Variants in ZFAND3 observed in about 807,000 individuals in gnomAD.
ZFAND3 encodes AN1-type zinc finger protein 3.
ZFAND3 carries 10 observed loss-of-function variants against 29.6 expected under a neutral mutation model. The ratio of observed to expected loss-of-function variants is 0.34; its 90% CI spans 0.21 to 0.57. The LOEUF is 0.57. ZFAND3 is among the 20% of genes least tolerant of loss of function. The pLI, the probability that ZFAND3 is intolerant of heterozygous loss-of-function variation, is 0.86. For synonymous variants in ZFAND3, 128 were observed against 112.6 expected (o/e 1.14, Z -0.87); for missense variants, 230 against 304.5 (o/e 0.76, Z 1.82).
chr6:38,042,015 A>AG (rs1334833443), intron 2 of ZFAND3, among the ~76,000 whole-genome samples: 1 of 145,566 alleles, frequency 6.9e-6, no homozygotes, highest in Admixed American at 6.9e-5. Flanking sequence ...TTTGGGGGGG[A>AG]GGGGGAGAGA....
chr6:37,830,697 T>C (rs989523603), intron 1 of ZFAND3, among the ~76,000 whole-genome samples: 10 of 152,210 alleles, frequency 6.6e-5, no homozygotes, highest in African/African-American at 1.9e-4. Context: ...TTTATTGATA[T>C]TGCCACAACC....
chr6:37,908,656 C>T (rs1390862490), intron 1 of ZFAND3, among the ~76,000 whole-genome samples: 1 of 150,852 alleles, frequency 6.6e-6, no homozygotes, highest in Non-Finnish European at 1.5e-5. Context: ...GCTCCCAGCA[C>T]CTTCCCCACT....
At chr6:37,876,666 G>C (rs1239023251) in intron 1 of ZFAND3, among the ~76,000 whole-genome samples, 1 of 152,166 alleles carries the variant, frequency 6.6e-6, no homozygotes, top group Non-Finnish European at 1.5e-5. Context: ...AATTTGTAAA[G>C]AATGGCTGAC....
At chr6:37,947,290 A>C (rs932455765) in intron 2 of ZFAND3, among the ~76,000 whole-genome samples, 2 of 152,224 alleles carry the variant, frequency 1.3e-5, no homozygotes, top group Admixed American at 1.3e-4. Flanking sequence ...ACTGAGATTT[A>C]AAAACAATTT....
At chr6:38,042,313 C>CTTTTTTTTTTTT (rs35136153) in intron 2 of ZFAND3, among the ~76,000 whole-genome samples, 1 of 91,918 alleles carries the variant, frequency 1.1e-5, no homozygotes, top group Non-Finnish European at 2.4e-5. Context: ...CTTGAGCTTG[C>CTTTTTTTTTTTT]TTTTTTTTTT....
At chr6:37,994,992 T>C (rs977336713) in intron 2 of ZFAND3, among the ~76,000 whole-genome samples, 2 of 152,222 alleles carry the variant, frequency 1.3e-5, no homozygotes, top group African/African-American at 2.4e-5. Flanking sequence ...TCTGACTGCC[T>C]TTGTTCCAGG....
At chr6:37,840,379 A>G (rs760822324) in intron 1 of ZFAND3, among the ~76,000 whole-genome samples, 16 of 152,324 alleles carry the variant, frequency 1.1e-4, no homozygotes, top group Non-Finnish European at 1.8e-4. Flanking sequence ...GATTACAGAC[A>G]TGCGCCACCG....
At chr6:37,930,048 T>A in intron 2 of ZFAND3, 49 bp downstream of exon 2, 1 of 1,487,922 alleles carries the variant, frequency 6.7e-7, no homozygotes. Context: ...TTTCTTTCTT[T>A]TTTTTTTTTT....
At chr6:38,121,080 G>A (rs904547427) in intron 5 of ZFAND3, among the ~76,000 whole-genome samples, 1 of 152,216 alleles carries the variant, frequency 6.6e-6, no homozygotes, top group African/African-American at 2.4e-5. Context: ...GGGGCCTGGT[G>A]TGGTGGCTCA....
At chr6:38,092,142 G>A (rs1214088247) in intron 4 of ZFAND3, among the ~76,000 whole-genome samples, 1 of 152,126 alleles carries the variant, frequency 6.6e-6, no homozygotes, top group East Asian at 1.9e-4. Context: ...CATAATCATG[G>A]CCGATTAAAG....
At chr6:38,144,211 A>AT (rs70981524) in intron 5 of ZFAND3, among the ~76,000 whole-genome samples, 6,907 of 45,124 alleles carry the variant, frequency 0.15, 405 homozygotes, top group Non-Finnish European at 0.2. Context: ...ATATATATAT[A>AT]ATATATAATA....
intron 2 of ZFAND3, among the ~76,000 whole-genome samples, chr6:37,934,263 G>A (rs1295827857): frequency 6.6e-6 from 1 of 150,808 alleles, no homozygotes; most frequent in African/African-American, 2.4e-5. Flanking sequence ...GCTCACTGCA[G>A]CCTCTGCCTC....
intron 2 of ZFAND3, among the ~76,000 whole-genome samples, chr6:37,968,111 A>G (rs548761480): frequency 6.6e-6 from 1 of 152,142 alleles, no homozygotes; most frequent in Non-Finnish European, 1.5e-5. Context: ...AATAATTTGT[A>G]TTCTGCAAGT....
intron 2 of ZFAND3, among the ~76,000 whole-genome samples, chr6:37,979,091 C>A (rs968075421): frequency 6.6e-6 from 1 of 151,660 alleles, no homozygotes; most frequent in Admixed American, 6.6e-5. Context: ...CTTCCTTCTA[C>A]TTTGAGTTTA....
At chr6:37,833,810 G>C (rs1252501242) in intron 1 of ZFAND3, among the ~76,000 whole-genome samples, 2 of 126,420 alleles carry the variant, frequency 1.6e-5, no homozygotes. Context: ...CTGGGCGACA[G>C]AGTGACACTG....
Position 38,154,498 on chromosome 6 carries a change from T to C in ZFAND3, c.*2109T>C. ...AATCTTATTTAACCCTTTTGTGTTC[T>C]AGATTTACTTACACACATAGCCTAG... On this transcript the variant is annotated 3_prime_UTR_variant, in exon 6 of 6. Coordinates refer to ENST00000287218, the MANE Select transcript of ZFAND3 (RefSeq NM_021943.3). 1 of 982,026 alleles carries C rather than the reference T, an allele frequency of 1.0e-6. No individual in the cohort carries two copies. The highest frequency in any genetic ancestry group is 1.2e-6 in the Non-Finnish European group (1 of 826,408). The allele number at this position is 982,026 out of a possible 1,614,324, so 60.8% of individuals were successfully genotyped here.
In ZFAND3 at chr6:38,023,282, A is replaced by G. The variant is rs1019060915; in HGVS notation, c.113-38311A>G. On this transcript the variant is annotated intron_variant, in intron 2 of 5. Transcript: ENST00000287218. Reference sequence around the variant, plus strand: ...GTGTAATATGTATTTTAAGGTAGACATTACCCCTTTTCATTGAAGACAGTT... The same window carrying G: ...GTGTAATATGTATTTTAAGGTAGACGTTACCCCTTTTCATTGAAGACAGTT... 5.3e-5 allele frequency among the ~76,000 whole-genome samples: 8 copies of G among 152,196 alleles called. No individual in the cohort carries two copies. The East Asian group carries it at 5.8e-4, about 11-fold the overall frequency.
At chr6:37,921,265 ACTTT>A (rs1418067369) in intron 1 of ZFAND3, among the ~76,000 whole-genome samples, 6 of 152,118 alleles carry the variant, frequency 3.9e-5, no homozygotes, top group Admixed American at 3.3e-4. Flanking sequence ...TGAAGAAGGA[ACTTT>A]CTTTGTAGTC....
intron 1 of ZFAND3, among the ~76,000 whole-genome samples, chr6:37,880,674 G>A (rs1470640984): frequency 6.6e-6 from 1 of 152,042 alleles, no homozygotes; most frequent in Admixed American, 6.5e-5. Context: ...GGATATATTT[G>A]ATAATGGAAA....
Sources: gnomAD v4.1 joint callset for allele counts (sites outside exome capture counted in the v4.1 genomes callset) on GRCh38, gnomAD v4.1.1 for gene constraint, MANE v1.5 for transcripts, NCBI Gene and HGNC (gene_info 2026-07-23, HGNC 2026-07-21) for gene names.